The following ADCY1 variants were observed in gnomAD, a reference collection of about 807,000 sequenced individuals.
ADCY1 encodes adenylate cyclase type 1.
ADCY1 carries 28 observed loss-of-function variants against 105.4 expected under a neutral mutation model. The ratio of observed to expected loss-of-function variants is 0.27; its 90% CI spans 0.20 to 0.36. The LOEUF (loss-of-function observed/expected upper bound fraction) is 0.36. ADCY1 is among the 10% of genes least tolerant of loss of function. ADCY1 has a pLI of 1.00. For synonymous variants in ADCY1, 655 were observed against 623.8 expected, an observed-to-expected ratio of 1.05 and a Z score of -0.75; for missense variants, 977 against 1,434.2, an observed-to-expected ratio of 0.68 and a Z score of 5.15.
In ADCY1 at chr7:45,686,061, G is replaced by A. The variant is rs1238664795; in HGVS notation, c.2173G>A (p.Glu725Lys). The change falls in exon 13 of 20, where the codon GAG (glutamate) becomes AAG (lysine). Residue 725 changes from glutamate to lysine, a missense_variant. Glu to Lys is a moderately conservative substitution (Grantham distance 56). Transcript: ENST00000297323. This position sits in a 1 kb window ranked among gnomAD's most constrained non-coding sequence, Gnocchi z 4.3. ...CACAGCCCTGCCCACCCTGCCCTGCGAGTCTACACACCATGCCCTGCTCTG... is the reference window on the plus strand; with the variant it reads ...CACAGCCCTGCCCACCCTGCCCTGCAAGTCTACACACCATGCCCTGCTCTG... ...QRTALPTLPC[E>K]STHHALLCCL... is the part of the protein sequence containing the mutation. 5 of 1,610,290 alleles carry A rather than the reference G, an allele frequency of 3.1e-6. No homozygotes were observed. The highest frequency in any genetic ancestry group is 4.2e-6 in the Non-Finnish European group (5 of 1,178,690).
In ADCY1 at chr7:45,648,688, A is replaced by G; in HGVS notation, c.1039A>G (p.Ile347Val). ...ELATENHCRR[I>V]KILGDCYYCV... ...CCTGAAGGAGAACCACTGTCGCCGC[A>G]TCAAGATTCTCGGGGACTGCTACTA... Residue 347 changes from isoleucine to valine, a missense_variant, in exon 5 of 20, where the codon ATC becomes GTC. By Grantham distance (29) the Ile-to-Val change is conservative. Around this residue, in one of 7 missense-constraint regions of ADCY1, gnomAD observed 196 missense variants for 347.8 expected, o/e 0.56. Coordinates refer to ENST00000297323, the MANE Select transcript of ADCY1 (RefSeq NM_021116.4). The G allele has an allele frequency of 6.2e-7, 1 of 1,613,878 alleles. No homozygotes were observed. Among genetic ancestry groups the G allele is most frequent in the East Asian group, 2.2e-5 (1 of 44,860 alleles).
rs936935294 is a variant in ADCY1 at position 45,722,725 on chromosome 7, A to G, written c.*8730A>G. The G allele has an allele frequency of 1.3e-5, 2 of 152,522 alleles. No homozygotes were observed. The highest frequency in any genetic ancestry group is 2.4e-5 in the African/African-American group (1 of 41,410). The allele number at this position is 152,522 out of a possible 1,614,324, so 9.4% of individuals were successfully genotyped here. A position where few individuals can be genotyped will look rare whatever the true frequency, so the allele number is the denominator to read the frequency against. On this transcript the variant is annotated 3_prime_UTR_variant, in exon 20 of 20. Transcript: ENST00000297323. The stretch of plus-strand genomic sequence containing the variant: ...AGATAGGGTTGTGTCCCTCTATGGA[A>G]TGGAGAGTGATGTGGGCAAGGGTGT...
chr7:45,675,595 T>C (rs1234138029), intron 8 of ADCY1, among the ~76,000 whole-genome samples: 2 of 149,152 alleles, frequency 1.3e-5, no homozygotes, highest in Admixed American at 6.6e-5. Context: ...AATATTATAA[T>C]TTTTTTTTCA....
chr7:45,660,732 TGTTCAGGGCTCAGGTGAGGG>T (rs1366149407), intron 7 of ADCY1, among the ~76,000 whole-genome samples: 2 of 137,932 alleles, frequency 1.4e-5, no homozygotes, highest in Admixed American at 7.1e-5. Context: ...ACAGGTGAGG[TGTTCAGGGCTCAGGTGAGGG>T]GTTCAGGGCT....
chr7:45,623,121 G>T (rs1793944049), intron 4 of ADCY1, among the ~76,000 whole-genome samples: 1 of 152,178 alleles, frequency 6.6e-6, no homozygotes, highest in African/African-American at 2.4e-5. Flanking sequence ...GGGCTCTACT[G>T]GAGCAGGCCT....
intron 2 of ADCY1, among the ~76,000 whole-genome samples, chr7:45,609,667 G>T (rs1375824452): frequency 1.3e-5 from 2 of 152,172 alleles, no homozygotes; most frequent in African/African-American, 4.8e-5. Context: ...TCAGACGTAG[G>T]GGTGTGCCCA....
intron 17 of ADCY1, among the ~76,000 whole-genome samples, chr7:45,706,747 A>G (rs1238898183): frequency 6.6e-6 from 1 of 152,174 alleles, no homozygotes; most frequent in Non-Finnish European, 1.5e-5. Flanking sequence ...TGTGAAAAAT[A>G]TTGTTTAGAG....
chr7:45,610,511 T>A lies in ADCY1; in HGVS notation c.908+14T>A, dbSNP rs963939001. On this transcript the variant is annotated intron_variant, in intron 3 of 19. Coordinates refer to ENST00000297323, the MANE Select transcript of ADCY1 (RefSeq NM_021116.4). ...CGACAATGTGAGGTAGGGCTGGTGC[T>A]GACCCGGCACAGCGGGGAGCCTGGG... 1 of 1,607,518 alleles carries A rather than the reference T, an allele frequency of 6.2e-7. No individual in the cohort carries two copies. The highest frequency in any genetic ancestry group is 8.5e-7 in the Non-Finnish European group (1 of 1,174,518).
chr7:45,646,473 C>T (rs1450927427), intron 4 of ADCY1, among the ~76,000 whole-genome samples: 1 of 152,208 alleles, frequency 6.6e-6, no homozygotes, highest in African/African-American at 2.4e-5. Context: ...GACTGTGGTT[C>T]CAGGCCATGT....
intron 1 of ADCY1, among the ~76,000 whole-genome samples, chr7:45,585,754 G>A (rs1479268602): frequency 6.6e-6 from 1 of 152,134 alleles, no homozygotes; most frequent in Non-Finnish European, 1.5e-5. Context: ...GCCCAGGTGG[G>A]CACATCTTTT....
rs1036817244 is a variant in ADCY1 at position 45,717,019 on chromosome 7, A to C, written c.*3024A>C. On this transcript the variant is annotated 3_prime_UTR_variant, in exon 20 of 20. Coordinates refer to ENST00000297323, the MANE Select transcript of ADCY1 (RefSeq NM_021116.4). ...GCAACAACCCAAGTGAGCCTGAAGC[A>C]GATTCGCCCCAGAGCCTCCAGGCGT... 6.6e-6 allele frequency: 1 copy of C among 152,392 alleles called. No homozygotes were observed. Among genetic ancestry groups the C allele is most frequent in the African/African-American group, 2.4e-5 (1 of 41,458 alleles). The allele number at this position is 152,392 out of a possible 1,614,324, so 9.4% of individuals were successfully genotyped here. A position where few individuals can be genotyped will look rare whatever the true frequency, so the allele number is the denominator to read the frequency against.
chr7:45,658,001 C>G, intron 6 of ADCY1, 116 bp downstream of exon 6: 1 of 1,189,816 alleles, frequency 8.4e-7, no homozygotes, highest in African/African-American at 1.5e-5. Flanking sequence ...TGTGAGTGCT[C>G]CTGGAGGAGC....
Position 45,686,537 on chromosome 7 carries a change from C to T in ADCY1, c.2328-10C>T, listed in dbSNP as rs1784678211. Reference sequence around the variant, plus strand: ...CACTGACTTGGCTTTTCTTCCTCATCTTCCCCCAGGGGTGGTGCCGTCTCC... The same window carrying T: ...CACTGACTTGGCTTTTCTTCCTCATTTTCCCCCAGGGGTGGTGCCGTCTCC... On this transcript the variant is annotated splice_polypyrimidine_tract_variant and intron_variant, in intron 13 of 19. Coordinates refer to ENST00000297323, the MANE Select transcript of ADCY1 (RefSeq NM_021116.4). The surrounding 1 kb of genome is among the most constrained non-coding windows in gnomAD (Gnocchi z 4.3). The T allele has an allele frequency of 5.0e-6, 8 of 1,604,860 alleles. No individual in the cohort carries two copies. The East Asian group carries it at 1.8e-4, about 36-fold the overall frequency.
intron 8 of ADCY1, among the ~76,000 whole-genome samples, chr7:45,676,710 TCC>T (rs1389655623): frequency 6.6e-6 from 1 of 152,140 alleles, no homozygotes; most frequent in Non-Finnish European, 1.5e-5. Flanking sequence ...GCATCTCCAC[TCC>T]CTGTTCAGGT....
At chr7:45,596,432 C>G (rs1002468120) in intron 2 of ADCY1, among the ~76,000 whole-genome samples, 3 of 151,926 alleles carry the variant, frequency 2.0e-5, no homozygotes, top group Non-Finnish European at 4.4e-5. Flanking sequence ...TGGGTGTGGA[C>G]ACACCCCAGT....
intron 2 of ADCY1, among the ~76,000 whole-genome samples, chr7:45,597,786 A>T (rs1261253399): frequency 1.3e-5 from 2 of 151,994 alleles, no homozygotes; most frequent in Non-Finnish European, 2.9e-5. Flanking sequence ...CCATAGAACA[A>T]GAGGCTCTGG....
At chr7:45,619,159 G>A (rs1302033577) in intron 3 of ADCY1, among the ~76,000 whole-genome samples, 1 of 152,146 alleles carries the variant, frequency 6.6e-6, no homozygotes, top group Non-Finnish European at 1.5e-5. Flanking sequence ...AGCTAAAATA[G>A]TTGATCTCTT....
At position 45,723,095 on chromosome 7, in the gene ADCY1, G is replaced by A. The variant is rs1397599080; in HGVS notation, c.*9100G>A. The A allele has an allele frequency of 6.7e-6, 1 of 149,606 alleles. No homozygotes were observed. Among genetic ancestry groups the A allele is most frequent in the Admixed American group, 6.7e-5 (1 of 14,914 alleles). The allele number at this position is 149,606 out of a possible 1,614,324, so 9.3% of individuals were successfully genotyped here. On this transcript the variant is annotated 3_prime_UTR_variant, in exon 20 of 20. Coordinates refer to ENST00000297323, the MANE Select transcript of ADCY1 (RefSeq NM_021116.4). Reference sequence around the variant, plus strand: ...TGGAATCTTATTTAACAAAAATAAAGGGAAAAAATTGCTTGACTAAACTCT... The same window carrying A: ...TGGAATCTTATTTAACAAAAATAAAAGGAAAAAATTGCTTGACTAAACTCT...
chr7:45,679,822 G>A, intron 11 of ADCY1, 29 bp downstream of exon 11: 1 of 1,609,730 alleles, frequency 6.2e-7, no homozygotes, highest in Non-Finnish European at 8.5e-7. Flanking sequence ...TCCTGTACCT[G>A]CATATCACCT....
Sources: allele counts gnomAD v4.1 joint callset (sites outside exome capture counted in the v4.1 genomes callset), GRCh38; gene constraint gnomAD v4.1.1; regional missense constraint gnomAD v4.1.1; non-coding constraint Gnocchi (gnomAD v3.1); transcripts MANE v1.5; gene names NCBI Gene and HGNC (gene_info 2026-07-23, HGNC 2026-07-21).